The following NET1 variants were observed in gnomAD, a reference collection of about 807,000 sequenced individuals.
The protein encoded by NET1 is neuroepithelial cell transforming 1.
NET1 carries 42 observed loss-of-function variants against 61.1 expected under a neutral mutation model. The observed-to-expected ratio is 0.69, with a 90% CI of 0.54 to 0.89. The LOEUF is 0.89. Ranked by LOEUF, NET1 falls within the 40% of genes least tolerant of loss-of-function variation. NET1 has a pLI of 0.00. For synonymous variants in NET1, 254 were observed against 281.8 expected (o/e 0.90, Z 0.99); for missense variants, 654 against 747.3 (o/e 0.88, Z 1.46).
rs987065648 is a variant in NET1 at position 5,446,688 on chromosome 10, T to C, written c.256-5142T>C. 7.2e-7 allele frequency: 1 copy of C among 1,393,322 alleles called. No homozygotes were observed. The highest frequency in any genetic ancestry group is 1.5e-5 in the African/African-American group (1 of 68,790). The allele number at this position is 1,393,322 out of a possible 1,614,324, so 86.3% of individuals were successfully genotyped here. On this transcript the variant is annotated intron_variant, in intron 3 of 11. Transcript: ENST00000355029. The surrounding 1 kb of genome is among the most constrained non-coding windows in gnomAD (Gnocchi z 5.0). ...GCCGAGCTCTGGGAAGAAAAGCCCGTGTGCCTCTGCATAGCGTCGCTACAG... is the reference window on the plus strand; with the variant it reads ...GCCGAGCTCTGGGAAGAAAAGCCCGCGTGCCTCTGCATAGCGTCGCTACAG...
Position 5,446,986 on chromosome 10 carries a change from T to C in NET1, c.256-4844T>C. 1 of 616,136 alleles carries C rather than the reference T, an allele frequency of 1.6e-6. No individual in the cohort carries two copies. Among genetic ancestry groups the C allele is most frequent in the South Asian group, 3.9e-5 (1 of 25,970 alleles). The allele number at this position is 616,136 out of a possible 1,614,324, so 38.2% of individuals were successfully genotyped here. A position where few individuals can be genotyped will look rare whatever the true frequency, so the allele number is the denominator to read the frequency against. ...ATCTTATTATTACAATGTATGTTCT[T>C]GATTTATGTGCAAGCTTGAAATGTG... is the stretch of plus-strand genomic sequence containing the variant. On this transcript the variant is annotated intron_variant, in intron 3 of 11. Transcript: ENST00000355029. The surrounding 1 kb of genome is among the most constrained non-coding windows in gnomAD (Gnocchi z 5.0).
intron 3 of NET1, among the ~76,000 whole-genome samples, chr10:5,448,297 C>G (rs1335506624): frequency 6.6e-6 from 1 of 152,212 alleles, no homozygotes; most frequent in Non-Finnish European, 1.5e-5. Context: ...GACTTCTCAA[C>G]AGGATTTTTC....
chr10:5,453,693 T>G lies in NET1; in HGVS notation c.768+133T>G. 2 of 718,620 alleles carry G rather than the reference T, an allele frequency of 2.8e-6. No individual in the cohort carries two copies. The highest frequency in any genetic ancestry group is 4.8e-6 in the Non-Finnish European group (2 of 417,708). The allele number at this position is 718,620 out of a possible 1,614,324, so 44.5% of individuals were successfully genotyped here. ...ACATAAGGCGTTAAAACTGAACAAA[T>G]TTACAGTGACATAAGAAGTTACAGT... is the stretch of plus-strand genomic sequence containing the variant. On this transcript the variant is annotated intron_variant, in intron 8 of 11. Coordinates refer to ENST00000355029, the MANE Select transcript of NET1 (RefSeq NM_001047160.3). The surrounding 1 kb of genome is among the most constrained non-coding windows in gnomAD (Gnocchi z 4.9).
rs755001827 is a variant in NET1 at position 5,454,920 on chromosome 10, C to G, written c.1027-28C>G. Reference sequence around the variant, plus strand: ...AGAATGAGTTAATAAACTGAAGCTGCTCTGTCAATTTTATTTATCATTTTC... The same window carrying G: ...AGAATGAGTTAATAAACTGAAGCTGGTCTGTCAATTTTATTTATCATTTTC... On this transcript the variant is annotated intron_variant, in intron 9 of 11. Coordinates refer to ENST00000355029, the MANE Select transcript of NET1 (RefSeq NM_001047160.3). This position sits in a 1 kb window ranked among gnomAD's most constrained non-coding sequence, Gnocchi z 8.1. 3 of 1,606,310 alleles carry G rather than the reference C, an allele frequency of 1.9e-6. No individual in the cohort carries two copies. The South Asian group carries it at 3.3e-5, about 18-fold the overall frequency.
Position 5,446,865 on chromosome 10 carries a change from C to CTT in NET1, c.256-4963_256-4962dup. On this transcript the variant is annotated intron_variant, in intron 3 of 11. Transcript: ENST00000355029. The surrounding 1 kb of genome is among the most constrained non-coding windows in gnomAD (Gnocchi z 5.0). ...GTCCTTCAGAGAACAAGAGGTAAGA[C>CTT]TTTAAGAGAAACGTTAGGCAAAAGG... 6.3e-7 allele frequency: 1 copy of CTT among 1,597,524 alleles called. No individual in the cohort carries two copies. Among genetic ancestry groups the CTT allele is most frequent in the Non-Finnish European group, 8.5e-7 (1 of 1,170,176 alleles).
Position 5,431,588 on chromosome 10 carries a change from T to C in NET1, c.255+2359T>C, listed in dbSNP as rs767166086. 6.6e-6 allele frequency among the ~76,000 whole-genome samples: 1 copy of C among 152,196 alleles called. No individual in the cohort carries two copies. Among genetic ancestry groups the C allele is most frequent in the Non-Finnish European group, 1.5e-5 (1 of 68,040 alleles). On this transcript the variant is annotated intron_variant, in intron 3 of 11. Transcript: ENST00000355029. The surrounding 1 kb of genome is among the most constrained non-coding windows in gnomAD (Gnocchi z 4.9). ...TTCACCTTGTCGGCCATTTGATTAC[T>C]CTGAAGTTCTGATTTATAATAAAAG...
chr10:5,451,309 G>A lies in NET1; in HGVS notation c.256-521G>A, dbSNP rs1832698784. ...CAGTGTCAGACATGTTGATTGAAAG[G>A]TTGTATTTTCTAACGGAAGTAGTTA... On this transcript the variant is annotated intron_variant, in intron 3 of 11. Coordinates refer to ENST00000355029, the MANE Select transcript of NET1 (RefSeq NM_001047160.3). This position sits in a 1 kb window ranked among gnomAD's most constrained non-coding sequence, Gnocchi z 6.1. Among the ~76,000 whole-genome samples the A allele has an allele frequency of 6.6e-6, 1 of 152,092 alleles. No homozygotes were observed. Among genetic ancestry groups the A allele is most frequent in the East Asian group, 1.9e-4 (1 of 5,194 alleles).
Position 5,427,012 on chromosome 10 carries a change from A to T in NET1, c.195+291A>T, listed in dbSNP as rs939705371. 6.6e-6 allele frequency among the ~76,000 whole-genome samples: 1 copy of T among 152,150 alleles called. No individual in the cohort carries two copies. The highest frequency in any genetic ancestry group is 2.4e-5 in the African/African-American group (1 of 41,436). ...TCAATGTTAAATCTGATAATATATTATGAAACATGAAATTATTTTTATACA... is the reference window on the plus strand; with the variant it reads ...TCAATGTTAAATCTGATAATATATTTTGAAACATGAAATTATTTTTATACA... On this transcript the variant is annotated intron_variant, in intron 2 of 11. Transcript: ENST00000355029. The surrounding 1 kb of genome is among the most constrained non-coding windows in gnomAD (Gnocchi z 4.1).
chr10:5,418,709 T>C (rs1361338792), intron 1 of NET1, among the ~76,000 whole-genome samples: 1 of 152,202 alleles, frequency 6.6e-6, no homozygotes, highest in African/African-American at 2.4e-5. Flanking sequence ...CAGATTAGTC[T>C]GCATGCTTTA....
At chr10:5,432,375 T>C (rs1055734539) in intron 3 of NET1, among the ~76,000 whole-genome samples, 2 of 152,246 alleles carry the variant, frequency 1.3e-5, no homozygotes, top group African/African-American at 2.4e-5. Context: ...ATTTGATTTA[T>C]ACTACAGTTC....
At chr10:5,448,608 C>T (rs1004220667) in intron 3 of NET1, among the ~76,000 whole-genome samples, 3 of 150,578 alleles carry the variant, frequency 2.0e-5, no homozygotes, top group African/African-American at 7.3e-5. Flanking sequence ...TTCCCTGCAG[C>T]AGAAAATTCA....
Position 5,427,294 on chromosome 10 carries a change from T to C in NET1, c.195+573T>C, listed in dbSNP as rs1316039356. 1.3e-5 allele frequency among the ~76,000 whole-genome samples: 2 copies of C among 152,186 alleles called. No individual in the cohort carries two copies. Among genetic ancestry groups the C allele is most frequent in the African/African-American group, 4.8e-5 (2 of 41,462 alleles). Reference sequence around the variant, plus strand: ...AAAGTACGTACAAATAGATCATGATTCTTATGCTTATCTAGGAAAAATAGC... The same window carrying C: ...AAAGTACGTACAAATAGATCATGATCCTTATGCTTATCTAGGAAAAATAGC... On this transcript the variant is annotated intron_variant, in intron 2 of 11. Coordinates refer to ENST00000355029, the MANE Select transcript of NET1 (RefSeq NM_001047160.3). This position sits in a 1 kb window ranked among gnomAD's most constrained non-coding sequence, Gnocchi z 4.1.
At position 5,446,799 on chromosome 10, in the gene NET1, C is replaced by T. The variant is rs1342788339; in HGVS notation, c.256-5031C>T. ...ACATGATGAGACTGGAGGTCTCCTA[C>T]CTATTAAAAGGACCATACGAGTCCT... On this transcript the variant is annotated intron_variant, in intron 3 of 11. Transcript: ENST00000355029. The surrounding 1 kb of genome is among the most constrained non-coding windows in gnomAD (Gnocchi z 5.0). 2 of 1,610,868 alleles carry T rather than the reference C, an allele frequency of 1.2e-6. No individual in the cohort carries two copies. Among genetic ancestry groups the T allele is most frequent in the Non-Finnish European group, 1.7e-6 (2 of 1,178,174 alleles).
chr10:5,454,375 T>C lies in NET1; in HGVS notation c.879T>C (p.Cys293=). The C allele has an allele frequency of 6.2e-7, 1 of 1,614,174 alleles. No homozygotes were observed. The highest frequency in any genetic ancestry group is 8.5e-7 in the Non-Finnish European group (1 of 1,180,036). Residue 293 remains cysteine (C), a synonymous_variant, in exon 9 of 12, where the codon TGT becomes TGC. Transcript: ENST00000355029. This position sits in a 1 kb window ranked among gnomAD's most constrained non-coding sequence, Gnocchi z 8.1. The stretch of plus-strand genomic sequence containing the variant: ...GAGTCCAAGACTTCCTCCAGCGATG[T>C]CTCGAGTCTCCCTTCAGTCGAAAAC... ...DPRVQDFLQR[C]LESPFSRKLD...
In NET1 at chr10:5,451,818, T is replaced by G. The variant is rs367551919; in HGVS notation, c.256-12T>G. 53 of 1,609,434 alleles carry G rather than the reference T, an allele frequency of 3.3e-5. No individual in the cohort carries two copies. In the African/African-American group the frequency reaches 6.4e-4, roughly 19 times the overall value. On this transcript the variant is annotated splice_polypyrimidine_tract_variant and intron_variant, in intron 3 of 11. Coordinates refer to ENST00000355029, the MANE Select transcript of NET1 (RefSeq NM_001047160.3). The surrounding 1 kb of genome is among the most constrained non-coding windows in gnomAD (Gnocchi z 6.1). ...AGACATATATTTAGTGTCATCTGGT[T>G]TGTTTTTATAGGAGCCAAGCAATAA...
intron 3 of NET1, among the ~76,000 whole-genome samples, chr10:5,436,162 GGTGTGTGT>G (rs373772351): frequency 5.7e-5 from 4 of 70,070 alleles, no homozygotes; most frequent in East Asian, 7.3e-4. Context: ...GTTAAAAGGA[GGTGTGTGT>G]GTGTGTGTGT....
rs1430824985 is a variant in NET1, at chr10:5,437,649, A to G, written c.255+8420A>G. ...TATTCATAACCGAGTACCCTTTTCA[A>G]CTCTGTATTTTCCCTAGTATTTTTT... On this transcript the variant is annotated intron_variant, in intron 3 of 11. Coordinates refer to ENST00000355029, the MANE Select transcript of NET1 (RefSeq NM_001047160.3). The surrounding 1 kb of genome is among the most constrained non-coding windows in gnomAD (Gnocchi z 4.3). 7.5e-6 allele frequency among the ~76,000 whole-genome samples: 1 copy of G among 133,362 alleles called. No homozygotes were observed. The highest frequency in any genetic ancestry group is 1.6e-5 in the Non-Finnish European group (1 of 63,428). The allele number at this position is 133,362 out of a possible 152,430, so 87.5% of individuals were successfully genotyped here. A position where few individuals can be genotyped will look rare whatever the true frequency, so the allele number is the denominator to read the frequency against.
In NET1 at chr10:5,444,877, C is replaced by T. The variant is rs1832581083; in HGVS notation, c.256-6953C>T. On this transcript the variant is annotated intron_variant, in intron 3 of 11. Transcript: ENST00000355029. The surrounding 1 kb of genome is among the most constrained non-coding windows in gnomAD (Gnocchi z 5.3). Reference sequence around the variant, plus strand: ...CACACTCAGTATATCTAAAATGTAACTTAGAATTTTCTTTCAAAGCTTGTT... The same window carrying T: ...CACACTCAGTATATCTAAAATGTAATTTAGAATTTTCTTTCAAAGCTTGTT... Among the ~76,000 whole-genome samples, 1 of 152,144 alleles carries T rather than the reference C, an allele frequency of 6.6e-6. No homozygotes were observed. The highest frequency in any genetic ancestry group is 2.4e-5 in the African/African-American group (1 of 41,424).
chr10:5,432,407 TATTG>T (rs1283478935), intron 3 of NET1, among the ~76,000 whole-genome samples: 1 of 152,312 alleles, frequency 6.6e-6, no homozygotes. Context: ...CTTGCATTAT[TATTG>T]ATTACTGAAA....
Sources: gnomAD v4.1 joint callset for allele counts (sites outside exome capture counted in the v4.1 genomes callset) on GRCh38, gnomAD v4.1.1 for gene constraint, Gnocchi (gnomAD v3.1) non-coding constraint, MANE v1.5 for transcripts, NCBI Gene and HGNC (gene_info 2026-07-23, HGNC 2026-07-21) for gene names.